Variants in SLC38A12 observed in about 807,000 individuals in gnomAD.
SLC38A12 encodes putative sodium-coupled neutral amino acid transporter 12.
the SLC38A12 span, among the ~76,000 whole-genome samples, chr17:74,829,584 G>T: frequency 6.6e-6 from 1 of 152,196 alleles, no homozygotes; most frequent in Non-Finnish European, 1.5e-5. This position sits in a 1 kb window ranked among gnomAD's most constrained non-coding sequence, Gnocchi z 4.1. Flanking sequence ...CGGCATTCAG[G>T]CTGCCCAGAA....
chr17:74,811,961 G>A, the SLC38A12 span, among the ~76,000 whole-genome samples: 2 of 151,762 alleles, frequency 1.3e-5, no homozygotes, highest in African/African-American at 4.8e-5. Flanking sequence ...CGGGCAGATC[G>A]CTTGAGCCTA....
At chr17:74,779,202 C>T in the SLC38A12 span, among the ~76,000 whole-genome samples, 3 of 152,170 alleles carry the variant, frequency 2.0e-5, no homozygotes, top group Admixed American at 6.5e-5. Context: ...GGATATGTCC[C>T]CATTTCTTGT....
chr17:74,830,104 G>A, the SLC38A12 span, among the ~76,000 whole-genome samples: 183 of 152,090 alleles, frequency 1.2e-3, 2 homozygotes, highest in Middle Eastern at 6.8e-3. Flanking sequence ...AGGACTCCCC[G>A]AACATGAGCA....
At chr17:74,830,550 T>C in the SLC38A12 span, among the ~76,000 whole-genome samples, 183 of 152,328 alleles carry the variant, frequency 1.2e-3, no homozygotes, top group African/African-American at 4.0e-3. Context: ...TAAGAACATA[T>C]CTTGATGTGA....
chr17:74,783,762 G>A, the SLC38A12 span, among the ~76,000 whole-genome samples: 10 of 121,352 alleles, frequency 8.2e-5, no homozygotes, highest in Non-Finnish European at 1.3e-4. Flanking sequence ...ACGGAGTCTC[G>A]CTCTGTTGCC....
the SLC38A12 span, among the ~76,000 whole-genome samples, chr17:74,782,730 G>T: frequency 1.3e-5 from 2 of 152,314 alleles, no homozygotes; most frequent in South Asian, 2.1e-4. Context: ...TCTGAGCCAG[G>T]ACTCCCAAAG....
the SLC38A12 span, among the ~76,000 whole-genome samples, chr17:74,805,871 G>T: frequency 2.6e-5 from 4 of 152,314 alleles, no homozygotes; most frequent in East Asian, 7.7e-4. The surrounding 1 kb of genome is among the most constrained non-coding windows in gnomAD (Gnocchi z 5.0). Context: ...CTTGAGTGAC[G>T]CACAAGCTCC....
chr17:74,795,596 GC>G, the SLC38A12 span: 1 of 1,614,016 alleles, frequency 6.2e-7, no homozygotes, highest in Non-Finnish European at 8.5e-7. Context: ...GGTGCTGGGG[GC>G]CCCTGCGCCG....
the SLC38A12 span, chr17:74,819,689 C>T: frequency 5.5e-5 from 83 of 1,511,800 alleles, no homozygotes; most frequent in Admixed American, 3.5e-4. Context: ...CAGCGTCTTC[C>T]GTGTGCAGAC....
the SLC38A12 span, among the ~76,000 whole-genome samples, chr17:74,828,383 G>A: frequency 6.6e-6 from 1 of 152,210 alleles, no homozygotes; most frequent in Non-Finnish European, 1.5e-5. Flanking sequence ...TCATGGCTCT[G>A]AGTGTGTGTG....
At chr17:74,778,144 A>G in the SLC38A12 span, among the ~76,000 whole-genome samples, 4 of 152,218 alleles carry the variant, frequency 2.6e-5, no homozygotes, top group Non-Finnish European at 4.4e-5. Context: ...TGGACTCTGC[A>G]ATTAGAACAA....
chr17:74,834,525 G>C, the SLC38A12 span, among the ~76,000 whole-genome samples: 8 of 152,316 alleles, frequency 5.3e-5, no homozygotes, highest in South Asian at 1.7e-3. Context: ...GGAAGACATT[G>C]CCTGGTTTCC....
the SLC38A12 span, among the ~76,000 whole-genome samples, chr17:74,826,313 G>GC: frequency 6.6e-6 from 1 of 152,210 alleles, no homozygotes; most frequent in Non-Finnish European, 1.5e-5. Context: ...GCCACCTCCT[G>GC]CCACCCTGGG....
the SLC38A12 span, chr17:74,790,355 T>G: frequency 6.7e-7 from 1 of 1,484,236 alleles, no homozygotes; most frequent in East Asian, 2.3e-5. Flanking sequence ...GTTCCCTTTC[T>G]TCATGGAGAG....
the SLC38A12 span, chr17:74,794,951 A>G: frequency 3.0e-5 from 43 of 1,424,356 alleles, no homozygotes; most frequent in African/African-American, 3.7e-4. Context: ...GAAGAAGAAA[A>G]AAAAAAAAAC....
the SLC38A12 span, among the ~76,000 whole-genome samples, chr17:74,785,120 G>A: frequency 1.3e-5 from 2 of 152,168 alleles, no homozygotes; most frequent in African/African-American, 4.8e-5. Flanking sequence ...GCTCACCTTT[G>A]TGCCAGGTAC....
At chr17:74,826,286 C>G in the SLC38A12 span, among the ~76,000 whole-genome samples, 1 of 152,196 alleles carries the variant, frequency 6.6e-6, no homozygotes, top group South Asian at 2.1e-4. Flanking sequence ...CAGACACTTG[C>G]CCTTCACCAG....
the SLC38A12 span, among the ~76,000 whole-genome samples, chr17:74,811,939 A>G: frequency 2.0e-5 from 3 of 151,982 alleles, no homozygotes; most frequent in East Asian, 1.9e-4. Context: ...GTAGCTACTC[A>G]GGAGGCTTAG....
the SLC38A12 span, chr17:74,788,879 G>T: frequency 7.8e-5 from 125 of 1,611,388 alleles, 1 homozygote; most frequent in Non-Finnish European, 1.1e-4. Context: ...AGGTGTGTGT[G>T]TTGCCCTCGT....
Sources: gnomAD v4.1 joint callset for allele counts (sites outside exome capture counted in the v4.1 genomes callset) on GRCh38, gnomAD v4.1.1 for gene constraint, Gnocchi (gnomAD v3.1) non-coding constraint, MANE v1.5 for transcripts, NCBI Gene and HGNC (gene_info 2026-07-23, HGNC 2026-07-21) for gene names.